SIN3A: variants seen among roughly 807,000 people sequenced by gnomAD.
SIN3A encodes paired amphipathic helix protein Sin3a.
Under a neutral mutation model 146.1 loss-of-function variants are expected in SIN3A, and 14 were observed. That is an observed-to-expected ratio of 0.10 (90% CI 0.06 to 0.15). SIN3A has a LOEUF of 0.15. SIN3A is among the 10% of genes least tolerant of loss of function. SIN3A has a pLI of 1.00. For synonymous variants in SIN3A, 572 were observed against 572.0 expected, an observed-to-expected ratio of 1.00 and a Z score of 0.00; for missense variants, 1,028 against 1,576.0, an observed-to-expected ratio of 0.65 and a Z score of 5.89.
In SIN3A at chr15:75,442,142, A is replaced by C. The variant is rs1450728466; in HGVS notation, c.-34+9281T>G. ...TCTCAAAAAAAAAAAAAAAAAAAAA[A>C]AAAAAAAAAAACTGATTTTTTTTTT... On this transcript the variant is annotated intron_variant, in intron 1 of 20. Transcript: ENST00000394947. Among the ~76,000 whole-genome samples, 13 of 149,390 alleles carry C rather than the reference A, an allele frequency of 8.7e-5. No individual in the cohort carries two copies. In the South Asian group the frequency reaches 1.9e-3, roughly 22 times the overall value.
chr15:75,418,992 C>T (rs1468839252), intron 3 of SIN3A, among the ~76,000 whole-genome samples: 1 of 150,922 alleles, frequency 6.6e-6, no homozygotes, highest in Non-Finnish European at 1.5e-5. Context: ...CTCCTGACCT[C>T]GTGATCTGCC....
In SIN3A at chr15:75,386,216, C is replaced by T. The variant is rs1214585746; in HGVS notation, c.3022-1779G>A. On this transcript the variant is annotated intron_variant, in intron 16 of 20. Transcript: ENST00000394947. Reference sequence around the variant, plus strand: ...AACTTTTTTGTATTTTCAGAAGAGACGGGGTTTTGCCATGTTGCCCAGTCT... The same window carrying T: ...AACTTTTTTGTATTTTCAGAAGAGATGGGGTTTTGCCATGTTGCCCAGTCT... Among the ~76,000 whole-genome samples the T allele has an allele frequency of 3.3e-5, 5 of 152,188 alleles. No homozygotes were observed. In the East Asian group the frequency reaches 7.7e-4, roughly 24 times the overall value.
At chr15:75,385,486 A>G (rs1416385772) in intron 16 of SIN3A, among the ~76,000 whole-genome samples, 1 of 152,230 alleles carries the variant, frequency 6.6e-6, no homozygotes, top group Admixed American at 6.5e-5. Context: ...TAATGACTAG[A>G]AAGTTGAACG....
intron 1 of SIN3A, among the ~76,000 whole-genome samples, chr15:75,437,092 G>A (rs372260796): frequency 1.2e-4 from 18 of 151,960 alleles, no homozygotes; most frequent in African/African-American, 4.4e-4. Flanking sequence ...TTTCCTCCCC[G>A]ACAACAGCCA....
chr15:75,427,175 C>T (rs2073939066), intron 2 of SIN3A, among the ~76,000 whole-genome samples: 1 of 151,654 alleles, frequency 6.6e-6, no homozygotes, highest in Non-Finnish European at 1.5e-5. Flanking sequence ...GAGTTTAAGA[C>T]CAGCCTGCCC....
chr15:75,451,815 T>C (rs2074416754), upstream of SIN3A: 1 of 140,920 alleles, frequency 7.1e-6, no homozygotes, highest in Admixed American at 7.1e-5. Flanking sequence ...TGTCTTATGA[T>C]TTTCCCGCCC....
intron 1 of SIN3A, among the ~76,000 whole-genome samples, chr15:75,445,380 C>CA (rs10539996): frequency 0.15 from 9,755 of 63,390 alleles, 924 homozygotes; most frequent in Non-Finnish European, 0.21. Context: ...GACACTGTCT[C>CA]AAAAAAAAAA....
intron 16 of SIN3A, among the ~76,000 whole-genome samples, chr15:75,387,536 T>G: frequency 2.2e-5 from 3 of 136,160 alleles, no homozygotes; most frequent in African/African-American, 2.8e-5. Flanking sequence ...TGTTTTGGGG[T>G]TTTCTGGATG....
intron 12 of SIN3A, among the ~76,000 whole-genome samples, chr15:75,398,193 A>C (rs1219490912): frequency 6.6e-6 from 1 of 152,262 alleles, no homozygotes; most frequent in Non-Finnish European, 1.5e-5. Context: ...TACACTAAAT[A>C]GGATACGTAT....
chr15:75,454,590 C>T (rs896973495), upstream of SIN3A, among the ~76,000 whole-genome samples: 10 of 151,690 alleles, frequency 6.6e-5, no homozygotes, highest in Admixed American at 2.0e-4. Flanking sequence ...TGATGCATTT[C>T]CTTTTCCCGA....
intron 2 of SIN3A, among the ~76,000 whole-genome samples, chr15:75,429,856 A>T (rs1327485524): frequency 6.6e-6 from 1 of 152,234 alleles, no homozygotes; most frequent in Non-Finnish European, 1.5e-5. Context: ...CCATTTATAT[A>T]AAAGTTCAAA....
At position 75,410,122 on chromosome 15, in the gene SIN3A, A is replaced by T. The variant is rs867469927; in HGVS notation, c.1161+12T>A. On this transcript the variant is annotated intron_variant, in intron 7 of 20. Coordinates refer to ENST00000394947, the MANE Select transcript of SIN3A (RefSeq NM_001145358.2). ...AATAGTAAATAGTGTAATTCTTATT[A>T]AAAAAACATACCACGGAGCTGTTGG... 13 of 1,611,544 alleles carry T rather than the reference A, an allele frequency of 8.1e-6. No homozygotes were observed. Among genetic ancestry groups the T allele is most frequent in the Middle Eastern group, 3.3e-4 (2 of 6,052 alleles).
At chr15:75,414,760 C>CA (rs1163449016) in intron 3 of SIN3A, among the ~76,000 whole-genome samples, 1 of 152,102 alleles carries the variant, frequency 6.6e-6, no homozygotes, top group Non-Finnish European at 1.5e-5. Flanking sequence ...ATGGGAAGGA[C>CA]ACGTCTTCTC....
chr15:75,407,214 T>A (rs2141477006), intron 8 of SIN3A, 70 bp from the exon 9 acceptor site: 1 of 1,044,676 alleles, frequency 9.6e-7, no homozygotes, highest in East Asian at 2.5e-5. Flanking sequence ...TTTGTCTGTA[T>A]TCAATGGTTT....
At chr15:75,378,457 G>A (rs1406576731) in intron 19 of SIN3A, among the ~76,000 whole-genome samples, 5 of 152,200 alleles carry the variant, frequency 3.3e-5, no homozygotes, top group East Asian at 3.9e-4. Flanking sequence ...CCAGCTACTC[G>A]GGAGGCTGAG....
intron 9 of SIN3A, among the ~76,000 whole-genome samples, chr15:75,402,305 AC>A (rs1192988789): frequency 6.6e-6 from 1 of 152,162 alleles, no homozygotes; most frequent in East Asian, 1.9e-4. Flanking sequence ...GGAGGCCAGG[AC>A]TTCGAGCCCA....
intron 9 of SIN3A, 105 bp from the exon 10 acceptor site, chr15:75,402,075 C>T: frequency 1.4e-6 from 1 of 696,670 alleles, no homozygotes; most frequent in Non-Finnish European, 2.5e-6. Flanking sequence ...TGTGTAATCT[C>T]AGCTCACTGC....
intron 17 of SIN3A, among the ~76,000 whole-genome samples, chr15:75,382,465 A>G (rs574400006): frequency 1.3e-5 from 2 of 152,200 alleles, no homozygotes; most frequent in Non-Finnish European, 2.9e-5. Context: ...CAGTCCCCAT[A>G]GTGGGTTGGA....
intron 9 of SIN3A, among the ~76,000 whole-genome samples, chr15:75,406,447 G>C (rs887074547): frequency 3.3e-5 from 5 of 152,206 alleles, no homozygotes; most frequent in Admixed American, 1.3e-4. Context: ...CAGCACTTTG[G>C]GAGGCCGAGG....
Sources: allele counts gnomAD v4.1 joint callset (sites outside exome capture counted in the v4.1 genomes callset), GRCh38; gene constraint gnomAD v4.1.1; transcripts MANE v1.5; gene names NCBI Gene and HGNC (gene_info 2026-07-23, HGNC 2026-07-21).